Variants in PPA1 observed in about 807,000 individuals in gnomAD.
PPA1 encodes inorganic pyrophosphatase 1.
A neutral mutation model predicts 41.8 loss-of-function variants in PPA1; 23 were observed. The observed-to-expected ratio is 0.55, with a 90% CI of 0.40 to 0.78. PPA1 has a LOEUF of 0.78. Among genes scored for constraint, PPA1 ranks in the 30% least tolerant of loss-of-function variants. PPA1 has a pLI of 0.00. For missense variants in PPA1, 320 were observed against 361.6 expected, an observed-to-expected ratio of 0.89 and a Z score of 0.93; for synonymous variants, 101 against 116.8, an observed-to-expected ratio of 0.86 and a Z score of 0.87.
chr10:70,213,592 G>T lies in PPA1; in HGVS notation c.385-3C>A. The T allele has an allele frequency of 6.2e-7, 1 of 1,613,284 alleles. No homozygotes were observed. Among genetic ancestry groups the T allele is most frequent in the Non-Finnish European group, 8.5e-7 (1 of 1,179,554 alleles). ...ATTATTTCACCTCTTGCACATACCT[G>T]AGAGTCAATAGCCAAAGTCAGGACA... is the stretch of plus-strand genomic sequence containing the variant. On this transcript the variant is annotated splice_polypyrimidine_tract_variant and splice_region_variant and intron_variant, in intron 5 of 10. Transcript: ENST00000373232.
intron 3 of PPA1, 64 bp downstream of exon 3, chr10:70,218,700 A>G: frequency 7.8e-7 from 1 of 1,286,848 alleles, no homozygotes; most frequent in Admixed American, 1.8e-5. Context: ...TCCTTGATCA[A>G]GTCAGTGTGA....
intron 4 of PPA1, among the ~76,000 whole-genome samples, chr10:70,214,810 A>G (rs1321155878): frequency 1.3e-5 from 2 of 151,338 alleles, no homozygotes; most frequent in African/African-American, 4.8e-5. Context: ...AAAACAGATA[A>G]TGATCCTATT....
At chr10:70,220,599 AT>A (rs71009276) in intron 2 of PPA1, among the ~76,000 whole-genome samples, 190 of 14,526 alleles carry the variant, frequency 0.013, 71 homozygotes, top group Non-Finnish European at 0.02. Flanking sequence ...ATTATATATA[AT>A]TTATATATAT....
At chr10:70,228,852 T>C (rs749206169) in intron 2 of PPA1, among the ~76,000 whole-genome samples, 1 of 152,202 alleles carries the variant, frequency 6.6e-6, no homozygotes, top group Non-Finnish European at 1.5e-5. Flanking sequence ...AATGTGTCTA[T>C]TTCTATCTAA....
At position 70,202,855 on chromosome 10, in the gene PPA1, T is replaced by C. The variant is rs1839898623; in HGVS notation, c.*300A>G. ...CCAAGTTTCAGCAAAATAATTTTAT[T>C]TCCTAACATATGGTAACATATACAT... On this transcript the variant is annotated 3_prime_UTR_variant, in exon 11 of 11. Coordinates refer to ENST00000373232, the MANE Select transcript of PPA1 (RefSeq NM_021129.4). 4 of 257,298 alleles carry C rather than the reference T, an allele frequency of 1.6e-5. No homozygotes were observed. The South Asian group carries it at 4.6e-4, about 30-fold the overall frequency. The allele number at this position is 257,298 out of a possible 1,614,324, so 15.9% of individuals were successfully genotyped here.
At chr10:70,210,644 G>A (rs1840006913) in intron 6 of PPA1, among the ~76,000 whole-genome samples, 1 of 152,052 alleles carries the variant, frequency 6.6e-6, no homozygotes, top group Non-Finnish European at 1.5e-5. Context: ...CCTGCTCAAT[G>A]CAAGCAAACA....
At chr10:70,221,809 G>A (rs1364475389) in intron 2 of PPA1, among the ~76,000 whole-genome samples, 1 of 152,102 alleles carries the variant, frequency 6.6e-6, no homozygotes, top group Non-Finnish European at 1.5e-5. Context: ...CTTCAAGAAA[G>A]ATATAGCAGA....
chr10:70,214,826 C>G (rs574692877), intron 4 of PPA1, among the ~76,000 whole-genome samples: 1 of 152,106 alleles, frequency 6.6e-6, no homozygotes, highest in Non-Finnish European at 1.5e-5. Flanking sequence ...CTATTTAAAA[C>G]AAGCAAAAGC....
In PPA1 at chr10:70,221,076, A is replaced by ATATAT. The variant is rs1224550178; in HGVS notation, c.124-2260_124-2259insATATA. Among the ~76,000 whole-genome samples, 86 of 40,022 alleles carry ATATAT rather than the reference A, an allele frequency of 2.1e-3. 8 individuals carry two copies. The highest frequency in any genetic ancestry group is 4.8e-3 in the African/African-American group (24 of 4,970). 26.3% of individuals were successfully genotyped at this position (40,022 alleles called of 152,430 possible). A position where few individuals can be genotyped will look rare whatever the true frequency, so the allele number is the denominator to read the frequency against. ...ATATAATTTATATATATATATATAT[A>ATATAT]TTTTTTTTTTTTTTTTTTTGTAGAG... On this transcript the variant is annotated intron_variant, in intron 2 of 10. Coordinates refer to ENST00000373232, the MANE Select transcript of PPA1 (RefSeq NM_021129.4).
At chr10:70,209,864 C>G (rs1415710415) in intron 6 of PPA1, 179 bp from the exon 7 acceptor site, 4 of 694,298 alleles carry the variant, frequency 5.8e-6, no homozygotes, top group Non-Finnish European at 9.4e-6. Flanking sequence ...TGGAGCGAAG[C>G]CCCTTGTTGA....
In PPA1 at chr10:70,233,427, T is replaced by C; in HGVS notation, c.-100A>G. 1.4e-6 allele frequency: 2 copies of C among 1,444,092 alleles called. No homozygotes were observed. Among genetic ancestry groups the C allele is most frequent in the East Asian group, 5.7e-5 (2 of 34,874 alleles). The allele number at this position is 1,444,092 out of a possible 1,614,324, so 89.5% of individuals were successfully genotyped here. A position where few individuals can be genotyped will look rare whatever the true frequency, so the allele number is the denominator to read the frequency against. ...CCCCACGCCTGCGCACTGCGAGCAC[T>C]GGACCGGCGGGCGGGGCGGGGAGCG... On this transcript the variant is annotated 5_prime_UTR_variant, in exon 1 of 11. Transcript: ENST00000373232.
chr10:70,233,205 A>G, intron 1 of PPA1, 59 bp downstream of exon 1: 1 of 1,499,648 alleles, frequency 6.7e-7, no homozygotes, highest in Non-Finnish European at 8.9e-7. Flanking sequence ...CCGGGGAGGC[A>G]AGGCCCGGGA....
chr10:70,225,808 T>C (rs1840223980), intron 2 of PPA1, among the ~76,000 whole-genome samples: 1 of 152,188 alleles, frequency 6.6e-6, no homozygotes, highest in Non-Finnish European at 1.5e-5. Context: ...TCTTATTCAC[T>C]GCTCACCAAA....
intron 5 of PPA1, 48 bp from the exon 6 acceptor site, chr10:70,213,637 T>A: frequency 6.4e-7 from 1 of 1,561,124 alleles, no homozygotes; most frequent in East Asian, 2.3e-5. Flanking sequence ...AACCACACTC[T>A]AGAAGACAGT....
chr10:70,218,996 GA>G lies in PPA1; in HGVS notation c.124-180del, dbSNP rs1840106600. Among the ~76,000 whole-genome samples the G allele has an allele frequency of 2.0e-5, 3 of 152,106 alleles. No homozygotes were observed. The South Asian group carries it at 6.2e-4, about 32-fold the overall frequency. ...GGATGAAGAAATAATGCAATTATAG[GA>G]AAATATTCATTATAGAATCAAGGTG... On this transcript the variant is annotated intron_variant, in intron 2 of 10. Transcript: ENST00000373232.
intron 2 of PPA1, among the ~76,000 whole-genome samples, chr10:70,224,389 C>A (rs1447561537): frequency 6.6e-6 from 1 of 152,108 alleles, no homozygotes; most frequent in African/African-American, 2.4e-5. Flanking sequence ...TATGTCACTC[C>A]ATTAATCAAA....
At chr10:70,222,335 CAAAAAAAAAAAAA>C (rs67974203) in intron 2 of PPA1, among the ~76,000 whole-genome samples, 1 of 73,166 alleles carries the variant, frequency 1.4e-5, no homozygotes, top group African/African-American at 6.0e-5. Context: ...GACTCCGTCT[CAAAAAAAAAAAAA>C]AAAAAAAAAA....
At chr10:70,227,049 G>T (rs563002886) in intron 2 of PPA1, among the ~76,000 whole-genome samples, 1 of 152,316 alleles carries the variant, frequency 6.6e-6, no homozygotes, top group East Asian at 1.9e-4. Context: ...TTAAGATTTA[G>T]AGAAAGCTTT....
At chr10:70,210,405 C>T in intron 6 of PPA1, 10 of 1,364,842 alleles carry the variant, frequency 7.3e-6, no homozygotes, top group Non-Finnish European at 7.8e-6. Context: ...CAGAGGATCA[C>T]AACACTATTA....
Sources: gnomAD v4.1 joint callset for allele counts (sites outside exome capture counted in the v4.1 genomes callset) on GRCh38, gnomAD v4.1.1 for gene constraint, MANE v1.5 for transcripts, NCBI Gene and HGNC (gene_info 2026-07-23, HGNC 2026-07-21) for gene names.